The following PDE1C variants were observed in gnomAD, a reference collection of about 807,000 sequenced individuals.
PDE1C encodes phosphodiesterase 1C, also known as dual specificity calcium/calmodulin-dependent 3',5'-cyclic nucleotide phosphodiesterase 1C.
PDE1C carries 62 observed loss-of-function variants against 93.1 expected under a neutral mutation model. That is an observed-to-expected ratio of 0.67 (90% CI 0.54 to 0.82). The LOEUF is 0.82. Among genes scored for constraint, PDE1C ranks in the 40% least tolerant of loss-of-function variants. PDE1C has a pLI of 0.00. For missense variants in PDE1C, 742 were observed against 884.6 expected (o/e 0.84, Z 2.04); for synonymous variants, 325 against 310.1 (o/e 1.05, Z -0.50).
At chr7:32,374,263 GAAAGA>G (rs1554314019) in intron 1 of PDE1C, among the ~76,000 whole-genome samples, 1 of 122,466 alleles carries the variant, frequency 8.2e-6, no homozygotes, top group Non-Finnish European at 1.8e-5. Flanking sequence ...AAGGAAGAAA[GAAAGA>G]AAGAAAGAAA....
chr7:32,289,385 A>C (rs903090242), intron 1 of PDE1C, among the ~76,000 whole-genome samples: 3 of 152,234 alleles, frequency 2.0e-5, no homozygotes, highest in African/African-American at 7.2e-5. Flanking sequence ...ACTCCAGCCT[A>C]AGTGACAAAG....
intron 13 of PDE1C, among the ~76,000 whole-genome samples, chr7:31,823,811 C>G (rs1322528925): frequency 6.6e-6 from 1 of 152,112 alleles, no homozygotes; most frequent in Non-Finnish European, 1.5e-5. Context: ...TGCAAAAGAC[C>G]TTATGGGTAA....
chr7:31,896,578 T>C (rs1460680097), intron 2 of PDE1C, among the ~76,000 whole-genome samples: 1 of 152,020 alleles, frequency 6.6e-6, no homozygotes, highest in Admixed American at 6.5e-5. Context: ...GAGATAAGAA[T>C]AGGAAAAAAA....
At chr7:31,658,958 C>T in the PDE1C span, among the ~76,000 whole-genome samples, 1 of 152,158 alleles carries the variant, frequency 6.6e-6, no homozygotes, top group Non-Finnish European at 1.5e-5. Flanking sequence ...AAAACATTTC[C>T]TAAATGTACC....
intron 2 of PDE1C, among the ~76,000 whole-genome samples, chr7:32,023,843 T>G (rs1410667406): frequency 1.3e-5 from 2 of 152,204 alleles, no homozygotes; most frequent in East Asian, 3.9e-4. Context: ...TGGAGGTAAT[T>G]ACACAGGGCT....
intron 5 of PDE1C, among the ~76,000 whole-genome samples, chr7:31,873,687 T>A (rs535593028): frequency 2.0e-5 from 3 of 152,354 alleles, no homozygotes; most frequent in African/African-American, 7.2e-5. Context: ...ATGTAAATTA[T>A]CCTGAAAACA....
At chr7:31,838,639 A>T (rs1425659751) in intron 9 of PDE1C, among the ~76,000 whole-genome samples, 1 of 152,136 alleles carries the variant, frequency 6.6e-6, no homozygotes, top group Non-Finnish European at 1.5e-5. Context: ...TCCATACAGA[A>T]TAGATTCAGC....
chr7:31,625,198 T>G, the PDE1C span, among the ~76,000 whole-genome samples: 2 of 152,108 alleles, frequency 1.3e-5, no homozygotes, highest in Middle Eastern at 3.2e-3. Context: ...GTTCAACCAT[T>G]GTGGAAGTCA....
At chr7:31,643,159 C>T in the PDE1C span, 4 of 1,613,854 alleles carry the variant, frequency 2.5e-6, no homozygotes, top group Non-Finnish European at 3.4e-6. Context: ...CAATGAGTCT[C>T]AAAGGTCACC....
In PDE1C at chr7:32,320,017, C is replaced by T. The variant is rs184311298; in HGVS notation, c.310+107805G>A. ...GGACAGAGCAAAGCTTCCCTGCCTA[C>T]GACACAGCCAAATTGGGGAGGGGAT... On this transcript the variant is annotated intron_variant, in intron 1 of 1. Transcript: ENST00000672256. Among the ~76,000 whole-genome samples the T allele has an allele frequency of 7.0e-4, 107 of 152,224 alleles. 1 individual carries two copies. The highest frequency in any genetic ancestry group is 3.4e-3 in the Middle Eastern group (1 of 294).
intron 2 of PDE1C, among the ~76,000 whole-genome samples, chr7:31,953,392 A>T (rs960902427): frequency 6.6e-6 from 1 of 152,172 alleles, no homozygotes; most frequent in African/African-American, 2.4e-5. Context: ...TCTCAAAGTA[A>T]ATACAAAATA....
At chr7:31,798,369 A>G (rs1198145223) in intron 16 of PDE1C, among the ~76,000 whole-genome samples, 2 of 151,638 alleles carry the variant, frequency 1.3e-5, no homozygotes, top group Non-Finnish European at 3.0e-5. Flanking sequence ...TAATCATCAC[A>G]TATCCCGAGC....
upstream of PDE1C, among the ~76,000 whole-genome samples, chr7:32,074,614 T>C (rs182902126): frequency 1.2e-4 from 18 of 152,212 alleles, no homozygotes; most frequent in Admixed American, 1.1e-3. Context: ...AGGTATATAA[T>C]AGAGAAGGTA....
At chr7:32,415,114 C>T (rs145136457) in intron 1 of PDE1C, among the ~76,000 whole-genome samples, 2,259 of 152,140 alleles carry the variant, frequency 0.015, 43 homozygotes, top group African/African-American at 0.052. Context: ...GCCAAGTATT[C>T]GAGATCAGCC....
At chr7:31,747,895 T>G (rs1168617032), downstream of PDE1C, among the ~76,000 whole-genome samples, 2 of 150,150 alleles carry the variant, frequency 1.3e-5, no homozygotes, top group Non-Finnish European at 3.0e-5. Flanking sequence ...TCTACAACCC[T>G]CTGGCCATAT....
At chr7:31,673,904 A>G in the PDE1C span, among the ~76,000 whole-genome samples, 388 of 152,292 alleles carry the variant, frequency 2.5e-3, 2 homozygotes, top group African/African-American at 9.0e-3. Flanking sequence ...TCGGAGTCCA[A>G]CTGGGGAAGG....
the PDE1C span, among the ~76,000 whole-genome samples, chr7:31,717,070 A>T: frequency 4.6e-5 from 7 of 152,382 alleles, no homozygotes; most frequent in Non-Finnish European, 8.8e-5. Context: ...TTGCCAAGAC[A>T]CAGGAAAGGC....
At chr7:31,898,462 A>G (rs1330658105) in intron 2 of PDE1C, among the ~76,000 whole-genome samples, 3 of 152,196 alleles carry the variant, frequency 2.0e-5, no homozygotes, top group African/African-American at 4.8e-5. Context: ...TTTCTCTGAT[A>G]TAATTTTAAT....
chr7:31,844,562 C>T (rs1425849458), intron 9 of PDE1C, among the ~76,000 whole-genome samples: 1 of 151,808 alleles, frequency 6.6e-6, no homozygotes, highest in Non-Finnish European at 1.5e-5. Flanking sequence ...TGTCATTTTT[C>T]TTTATTTTAT....
Sources: gnomAD v4.1 joint callset for allele counts (sites outside exome capture counted in the v4.1 genomes callset) on GRCh38, gnomAD v4.1.1 for gene constraint, MANE v1.5 for transcripts, NCBI Gene and HGNC (gene_info 2026-07-23, HGNC 2026-07-21) for gene names.